The following PRICKLE2 variants were observed in gnomAD, a reference collection of about 807,000 sequenced individuals.
The protein encoded by PRICKLE2 is prickle-like protein 2.
In PRICKLE2, 21 loss-of-function variants were observed where a neutral mutation model predicts 81.4. The ratio of observed to expected loss-of-function variants is 0.26; its 90% CI spans 0.18 to 0.37. The LOEUF (loss-of-function observed/expected upper bound fraction) is 0.37, where lower values mean the gene tolerates loss of function less well. Among genes scored for constraint, PRICKLE2 ranks in the 10% least tolerant of loss-of-function variants. The pLI is 1.00. For missense variants in PRICKLE2, 940 were observed against 1,109.0 expected, an observed-to-expected ratio of 0.85 and a Z score of 2.16; for synonymous variants, 456 against 421.5, an observed-to-expected ratio of 1.08 and a Z score of -1.00.
At chr3:64,156,984 C>T (rs180943623) in intron 5 of PRICKLE2, among the ~76,000 whole-genome samples, 178 bp downstream of exon 5, 11 of 152,260 alleles carry the variant, frequency 7.2e-5, no homozygotes, top group African/African-American at 2.4e-4. Flanking sequence ...TAAAGCAGGC[C>T]GCAACCCCAG....
At position 64,121,190 on chromosome 3, in the gene PRICKLE2, A is replaced by G. The variant is rs11918119; in HGVS notation, c.1661-21265T>C. ...CTTTCCTCCCACCTTGCAAATCTTTATATCAATCCAGCTCGTGAGCTAAAG... is the reference window on the plus strand; with the variant it reads ...CTTTCCTCCCACCTTGCAAATCTTTGTATCAATCCAGCTCGTGAGCTAAAG... On this transcript the variant is annotated intron_variant, in intron 7 of 7. Coordinates refer to ENST00000638394, the MANE Select transcript of PRICKLE2 (RefSeq NM_198859.4). Among the ~76,000 whole-genome samples, 895 of 152,262 alleles carry G rather than the reference A, an allele frequency of 5.9e-3. 10 individuals carry two copies. The highest frequency in any genetic ancestry group is 0.021 in the African/African-American group (865 of 41,556).
intron 2 of PRICKLE2, among the ~76,000 whole-genome samples, chr3:64,253,025 T>C (rs2079472320): frequency 6.6e-6 from 1 of 152,148 alleles, no homozygotes; most frequent in Non-Finnish European, 1.5e-5. Flanking sequence ...GTTCCAACTT[T>C]CCATAACTTG....
At chr3:64,167,835 A>G (rs2077860820) in intron 2 of PRICKLE2, among the ~76,000 whole-genome samples, 1 of 152,214 alleles carries the variant, frequency 6.6e-6, no homozygotes, top group African/African-American at 2.4e-5. Flanking sequence ...TTTCTAATTT[A>G]GTAGGCCCGG....
intron 2 of PRICKLE2, among the ~76,000 whole-genome samples, chr3:64,252,430 T>G (rs888275522): frequency 7.9e-5 from 12 of 152,092 alleles, no homozygotes; most frequent in African/African-American, 2.7e-4. Flanking sequence ...TGGAGAAAAT[T>G]GAACATAAAA....
rs184777617 is a variant in PRICKLE2, at chr3:64,240,428, G to C, written c.129-41461C>G. ...CTAATGCCTCTTTGCAGGCTAAATGGAGTTGGGCCTGAATGGAGCCCAAGG... is the reference window on the plus strand; with the variant it reads ...CTAATGCCTCTTTGCAGGCTAAATGCAGTTGGGCCTGAATGGAGCCCAAGG... On this transcript the variant is annotated intron_variant, in intron 2 of 8. Transcript: ENST00000295902. Among the ~76,000 whole-genome samples the C allele has an allele frequency of 2.4e-3, 362 of 152,318 alleles. 7 individuals carry two copies. The highest frequency in any genetic ancestry group is 1.3e-3 in the Non-Finnish European group (90 of 68,036).
Position 64,095,328 on chromosome 3 carries a change from C to T in PRICKLE2, c.*3723G>A, listed in dbSNP as rs1036644727. On this transcript the variant is annotated 3_prime_UTR_variant, in exon 8 of 8. Transcript: ENST00000638394. ...TGGTTCCTAAATGTTCGTAATTATG[C>T]TTCCTAAACTGTTTTTGTTCTACGG... The T allele has an allele frequency of 6.6e-6, 1 of 152,130 alleles. No individual in the cohort carries two copies. The highest frequency in any genetic ancestry group is 1.5e-5 in the Non-Finnish European group (1 of 68,026). 9.4% of individuals were successfully genotyped at this position (152,130 alleles called of 1,614,324 possible).
chr3:64,263,046 G>T (rs535516740), intron 2 of PRICKLE2, among the ~76,000 whole-genome samples: 2 of 152,288 alleles, frequency 1.3e-5, no homozygotes, highest in East Asian at 3.9e-4. Flanking sequence ...TCTACTCCAG[G>T]CCTTCTCATA....
rs2078210035 is a variant in PRICKLE2 at position 64,185,407 on chromosome 3, G to T, written c.144+13377C>A. ...GCTAGATTATCTGATAAAAGTAATG[G>T]CAAAAACAGCAATTACTTTTGTACC... On this transcript the variant is annotated intron_variant, in intron 2 of 7. Transcript: ENST00000638394. 2.0e-5 allele frequency among the ~76,000 whole-genome samples: 3 copies of T among 152,136 alleles called. No individual in the cohort carries two copies. In the South Asian group the frequency reaches 6.2e-4, roughly 32 times the overall value.
chr3:64,234,669 G>C (rs144573122), intron 2 of PRICKLE2, among the ~76,000 whole-genome samples: 48 of 152,148 alleles, frequency 3.2e-4, no homozygotes, highest in African/African-American at 1.2e-3. Context: ...GATAAAGTTC[G>C]TTTATCTATT....
chr3:64,113,020 GAAC>G (rs1234959013), intron 7 of PRICKLE2, among the ~76,000 whole-genome samples: 2 of 152,120 alleles, frequency 1.3e-5, no homozygotes, highest in East Asian at 3.9e-4. Context: ...ACTCACTTTT[GAAC>G]AACAACAGCT....
intron 2 of PRICKLE2, among the ~76,000 whole-genome samples, chr3:64,239,404 T>C (rs2079229175): frequency 6.6e-6 from 1 of 152,004 alleles, no homozygotes; most frequent in South Asian, 2.1e-4. Context: ...ACACCAGGAA[T>C]GAAAGAAAGT....
intron 2 of PRICKLE2, among the ~76,000 whole-genome samples, chr3:64,232,700 C>T (rs560858539): frequency 6.6e-6 from 1 of 152,156 alleles, no homozygotes; most frequent in Non-Finnish European, 1.5e-5. Context: ...TGACTCAAGG[C>T]GAGACCTTTT....
intron 1 of PRICKLE2, among the ~76,000 whole-genome samples, chr3:64,221,611 T>G (rs533627662): frequency 1.1e-3 from 165 of 152,300 alleles, no homozygotes; most frequent in Non-Finnish European, 1.9e-3. Context: ...AAATAGCTCA[T>G]GGTCACCAGC....
chr3:64,217,209 A>G (rs1280848349), intron 1 of PRICKLE2, among the ~76,000 whole-genome samples: 1 of 152,162 alleles, frequency 6.6e-6, no homozygotes. Context: ...GAAAGACCCT[A>G]CATCACTGGT....
Position 64,153,338 on chromosome 3 carries a change from C to T in PRICKLE2, c.631G>A (p.Glu211Lys). ...TGTTTCATGTGCCAGTGTCGCCCCTCAGCTTCTGTGCATTCATCTGCAAAG... is the reference window on the plus strand; with the variant it reads ...TGTTTCATGTGCCAGTGTCGCCCCTTAGCTTCTGTGCATTCATCTGCAAAG... ...IIFADECTEAEGRHWHMKHFC... is the reference protein window; with the variant it reads ...IIFADECTEAKGRHWHMKHFC... The change falls in exon 6 of 8, where the codon GAG becomes AAG. Residue 211 changes from glutamate to lysine, a missense_variant. Glu to Lys is a moderately conservative substitution (Grantham distance 56, BLOSUM62 1). Around this residue, in one of 2 missense-constraint regions of PRICKLE2, gnomAD observed 270 missense variants for 391.8 expected, o/e 0.69. Coordinates refer to ENST00000638394, the MANE Select transcript of PRICKLE2 (RefSeq NM_198859.4). The T allele has an allele frequency of 6.2e-7, 1 of 1,614,124 alleles. No homozygotes were observed. Among genetic ancestry groups the T allele is most frequent in the Non-Finnish European group, 8.5e-7 (1 of 1,180,026 alleles).
chr3:64,166,937 G>T (rs985552679), intron 2 of PRICKLE2, among the ~76,000 whole-genome samples: 36 of 152,300 alleles, frequency 2.4e-4, no homozygotes, highest in Admixed American at 1.2e-3. Flanking sequence ...GAGCAAAGGG[G>T]ATTAACGGAT....
intron 2 of PRICKLE2, among the ~76,000 whole-genome samples, chr3:64,259,364 A>T (rs1281261607): frequency 6.6e-6 from 1 of 152,164 alleles, no homozygotes; most frequent in Non-Finnish European, 1.5e-5. Context: ...TCCCACTAAC[A>T]GCTGAGGACA....
At chr3:64,163,294 T>C (rs773490817) in intron 2 of PRICKLE2, 165 bp from the exon 3 acceptor site, 1 of 671,994 alleles carries the variant, frequency 1.5e-6, no homozygotes, top group Non-Finnish European at 2.7e-6. Context: ...AGCAGAGAAA[T>C]TCATCCTTAA....
intron 2 of PRICKLE2, among the ~76,000 whole-genome samples, chr3:64,197,128 A>C (rs944974957): frequency 6.6e-6 from 1 of 152,190 alleles, no homozygotes; most frequent in Non-Finnish European, 1.5e-5. Context: ...GTTCTTCTTT[A>C]TTATAAATAA....
Sources: allele counts gnomAD v4.1 joint callset (sites outside exome capture counted in the v4.1 genomes callset), GRCh38; gene constraint gnomAD v4.1.1; regional missense constraint gnomAD v4.1.1; transcripts MANE v1.5; gene names NCBI Gene and HGNC (gene_info 2026-07-23, HGNC 2026-07-21).